ALCAM: variants seen among roughly 807,000 people sequenced by gnomAD.
ALCAM encodes CD166 antigen.
ALCAM carries 30 observed loss-of-function variants against 70.9 expected under a neutral mutation model. That is an observed-to-expected ratio of 0.42 (90% confidence interval 0.32 to 0.57). The LOEUF is 0.57. Ranked by LOEUF, ALCAM falls within the 20% of genes least tolerant of loss-of-function variation. The probability of loss-of-function intolerance (pLI) is 0.11; values close to 1 mark genes in which losing one functional copy is unlikely to be tolerated. For synonymous variants in ALCAM, 249 were observed against 242.5 expected, an observed-to-expected ratio of 1.03 and a Z score of -0.25; for missense variants, 591 against 695.1, an observed-to-expected ratio of 0.85 and a Z score of 1.68.
chr3:105,400,217 T>G (rs1936055306), intron 1 of ALCAM, among the ~76,000 whole-genome samples: 2 of 152,136 alleles, frequency 1.3e-5, no homozygotes, highest in South Asian at 4.1e-4. Context: ...ATAAAGTATT[T>G]TTCTTATAGC....
At chr3:105,504,569 G>C (rs1559814085) in intron 1 of ALCAM, among the ~76,000 whole-genome samples, 1 of 144,406 alleles carries the variant, frequency 6.9e-6, no homozygotes, top group African/African-American at 2.5e-5. Flanking sequence ...GTTTCTGCAA[G>C]CCCACGGCCT....
chr3:105,505,264 A>G (rs1002786868), intron 1 of ALCAM, among the ~76,000 whole-genome samples: 2 of 152,214 alleles, frequency 1.3e-5, no homozygotes, highest in African/African-American at 2.4e-5. Context: ...CCAGCTGTAC[A>G]GGGAACACAG....
chr3:105,483,327 G>A (rs576347419), intron 1 of ALCAM, among the ~76,000 whole-genome samples: 19 of 152,134 alleles, frequency 1.2e-4, no homozygotes, highest in Non-Finnish European at 1.8e-4. Context: ...GGTAAAGAGA[G>A]GAAAGGGTGG....
chr3:105,518,146 T>TC (rs1939430532), intron 1 of ALCAM, among the ~76,000 whole-genome samples: 1 of 152,104 alleles, frequency 6.6e-6, no homozygotes, highest in Admixed American at 6.6e-5. Context: ...GGCAAAGGAT[T>TC]CACTTCATTG....
At chr3:105,510,415 T>C (rs1010941172) in intron 1 of ALCAM, among the ~76,000 whole-genome samples, 3 of 152,118 alleles carry the variant, frequency 2.0e-5, no homozygotes, top group African/African-American at 7.2e-5. Context: ...AATCTGGTAA[T>C]AGACAGAATG....
chr3:105,491,590 G>T (rs982914250), intron 1 of ALCAM, among the ~76,000 whole-genome samples: 3 of 152,134 alleles, frequency 2.0e-5, no homozygotes, highest in African/African-American at 7.2e-5. Context: ...TGAACACTTT[G>T]CTGGTTAGAA....
intron 1 of ALCAM, among the ~76,000 whole-genome samples, chr3:105,481,423 A>T (rs1449280558): frequency 1.3e-5 from 2 of 152,174 alleles, no homozygotes; most frequent in Non-Finnish European, 2.9e-5. Context: ...CACTGATGGA[A>T]TTGATGGCTT....
chr3:105,388,523 T>C (rs989213685), intron 1 of ALCAM, among the ~76,000 whole-genome samples: 2 of 151,588 alleles, frequency 1.3e-5, no homozygotes, highest in African/African-American at 2.4e-5. Context: ...CTTAGTTTAG[T>C]ATAAAAGGAT....
chr3:105,576,575 A>G lies in ALCAM; in HGVS notation c.*2124A>G, dbSNP rs1421364056. ...GCTGTCAGAACCTCGAGAGCAGAAC[A>G]TGAGAAACTCAGAGCTCTGGACCGA... is the stretch of plus-strand genomic sequence containing the variant. On this transcript the variant is annotated 3_prime_UTR_variant, in exon 16 of 16. Coordinates refer to ENST00000306107, the MANE Select transcript of ALCAM (RefSeq NM_001627.4). 1 of 152,616 alleles carries G rather than the reference A, an allele frequency of 6.6e-6. No homozygotes were observed. The highest frequency in any genetic ancestry group is 2.4e-5 in the African/African-American group (1 of 41,438). The allele number at this position is 152,616 out of a possible 1,614,324, so 9.5% of individuals were successfully genotyped here.
At chr3:105,547,970 C>T (rs566566212) in intron 11 of ALCAM, among the ~76,000 whole-genome samples, 2 of 151,456 alleles carry the variant, frequency 1.3e-5, no homozygotes, top group South Asian at 4.1e-4. Context: ...ACTATGTCCT[C>T]GTGTAGGAAT....
chr3:105,457,414 G>A (rs935999083), intron 1 of ALCAM, among the ~76,000 whole-genome samples: 3 of 152,066 alleles, frequency 2.0e-5, no homozygotes, highest in African/African-American at 4.8e-5. Flanking sequence ...GGAGGAGGGT[G>A]GGAGGAGGGA....
intron 1 of ALCAM, among the ~76,000 whole-genome samples, chr3:105,436,688 C>T (rs1307784451): frequency 6.6e-6 from 1 of 152,182 alleles, no homozygotes; most frequent in Non-Finnish European, 1.5e-5. Context: ...GTGTAGCTCA[C>T]ATGTCCATCT....
chr3:105,467,488 T>C (rs926839260), intron 1 of ALCAM, among the ~76,000 whole-genome samples: 6 of 151,272 alleles, frequency 4.0e-5, no homozygotes, highest in Middle Eastern at 3.2e-3. Flanking sequence ...CAGGGAAATG[T>C]TGACTATACG....
intron 1 of ALCAM, among the ~76,000 whole-genome samples, chr3:105,469,455 A>G (rs925497415): frequency 6.6e-6 from 1 of 151,126 alleles, no homozygotes; most frequent in African/African-American, 2.4e-5. Context: ...TGACACCATG[A>G]ACATTATTTA....
At chr3:105,411,051 A>G (rs1038192689) in intron 1 of ALCAM, among the ~76,000 whole-genome samples, 5 of 152,090 alleles carry the variant, frequency 3.3e-5, no homozygotes, top group African/African-American at 9.7e-5. Context: ...AGATATTTCT[A>G]TTAGATGAGC....
chr3:105,529,321 C>T (rs986860077), intron 3 of ALCAM, among the ~76,000 whole-genome samples: 5 of 152,238 alleles, frequency 3.3e-5, no homozygotes, highest in Non-Finnish European at 2.9e-5. Context: ...CATTGCTTTT[C>T]CCTTCAATTC....
At chr3:105,396,831 A>C (rs1935963698) in intron 1 of ALCAM, among the ~76,000 whole-genome samples, 1 of 151,998 alleles carries the variant, frequency 6.6e-6, no homozygotes, top group African/African-American at 2.4e-5. Flanking sequence ...GCAGTTTTAT[A>C]GTTCCTTTGT....
intron 1 of ALCAM, among the ~76,000 whole-genome samples, chr3:105,503,750 G>T (rs1477602872): frequency 6.6e-6 from 1 of 152,114 alleles, no homozygotes; most frequent in Admixed American, 6.6e-5. Flanking sequence ...TTTCCCAGGT[G>T]CCTTTCCTTC....
intron 1 of ALCAM, among the ~76,000 whole-genome samples, chr3:105,493,903 G>A (rs1445771140): frequency 6.6e-6 from 1 of 152,128 alleles, no homozygotes; most frequent in Non-Finnish European, 1.5e-5. Flanking sequence ...AGAAATAAGG[G>A]CCATTATTAT....
Sources: gnomAD v4.1 joint callset for allele counts (sites outside exome capture counted in the v4.1 genomes callset) on GRCh38, gnomAD v4.1.1 for gene constraint, MANE v1.5 for transcripts, NCBI Gene and HGNC (gene_info 2026-07-23, HGNC 2026-07-21) for gene names.